Variants in WASF3 observed in about 807,000 individuals in gnomAD.
WASF3 encodes WASP family member 3.
WASF3 carries 11 observed loss-of-function variants against 46.6 expected under a neutral mutation model. That is an observed-to-expected ratio of 0.24 (90% CI 0.15 to 0.39). The LOEUF is 0.39. Among genes scored for constraint, WASF3 ranks in the 10% least tolerant of loss-of-function variants. WASF3 has a pLI of 1.00. For missense variants in WASF3, 576 were observed against 669.8 expected (o/e 0.86, Z 1.55); for synonymous variants, 242 against 259.7 (o/e 0.93, Z 0.65).
chr13:26,642,098 A>G, intron 2 of WASF3, 163 bp from the exon 3 acceptor site: 1 of 630,304 alleles, frequency 1.6e-6, no homozygotes, highest in South Asian at 2.6e-5. Flanking sequence ...TATAAAACTC[A>G]CTAAAGTAAT....
At chr13:26,602,607 G>C (rs910221352) in intron 1 of WASF3, among the ~76,000 whole-genome samples, 2 of 152,152 alleles carry the variant, frequency 1.3e-5, no homozygotes, top group African/African-American at 4.8e-5. Flanking sequence ...ACAGGTTTAT[G>C]AATCTCTTTG....
chr13:26,594,713 A>G (rs1880409105), intron 1 of WASF3, among the ~76,000 whole-genome samples: 1 of 152,086 alleles, frequency 6.6e-6, no homozygotes, highest in South Asian at 2.1e-4. Context: ...CTCCTTATTT[A>G]ACAGGGGCTC....
At chr13:26,580,100 T>G (rs1192772179) in intron 1 of WASF3, among the ~76,000 whole-genome samples, 4 of 152,204 alleles carry the variant, frequency 2.6e-5, no homozygotes, top group Admixed American at 6.5e-5. Context: ...CTTCTTCCAG[T>G]GTGGCCCAGG....
intron 1 of WASF3, among the ~76,000 whole-genome samples, chr13:26,605,799 C>T (rs572162365): frequency 6.6e-6 from 1 of 152,276 alleles, no homozygotes; most frequent in Non-Finnish European, 1.5e-5. Flanking sequence ...CCATTTTCAA[C>T]CTCTAAATTT....
intron 1 of WASF3, among the ~76,000 whole-genome samples, chr13:26,566,277 AGAT>A (rs768808276): frequency 1.3e-5 from 2 of 152,216 alleles, no homozygotes; most frequent in Non-Finnish European, 2.9e-5. Flanking sequence ...TTATTATTTG[AGAT>A]GATGATTTAT....
intron 3 of WASF3, among the ~76,000 whole-genome samples, chr13:26,648,860 A>C (rs548510586): frequency 2.0e-5 from 3 of 152,164 alleles, no homozygotes; most frequent in Admixed American, 6.5e-5. Context: ...CCCCGACAAA[A>C]GGCAGGATTA....
intron 2 of WASF3, chr13:26,641,854 A>G (rs1055380631): frequency 7.2e-5 from 11 of 152,522 alleles, no homozygotes; most frequent in African/African-American, 2.7e-4. Flanking sequence ...AGAAACCATA[A>G]ACACCAGTTC....
the WASF3 span, among the ~76,000 whole-genome samples, chr13:26,545,070 C>T: frequency 2.6e-5 from 4 of 152,220 alleles, no homozygotes; most frequent in Admixed American, 2.6e-4. Flanking sequence ...ATGGCTTGCT[C>T]AGAGCATCGT....
At chr13:26,649,179 C>G (rs768733943) in intron 3 of WASF3, among the ~76,000 whole-genome samples, 1 of 152,138 alleles carries the variant, frequency 6.6e-6, no homozygotes, top group Non-Finnish European at 1.5e-5. Flanking sequence ...AGTAGTCTTC[C>G]TTAAAAGATG....
chr13:26,636,183 G>A (rs910821814), intron 2 of WASF3, among the ~76,000 whole-genome samples: 10 of 152,182 alleles, frequency 6.6e-5, no homozygotes, highest in Non-Finnish European at 8.8e-5. Flanking sequence ...CAAGCTTCCC[G>A]GCTGCTTTGT....
At chr13:26,653,589 ACT>A (rs560742386) in intron 3 of WASF3, among the ~76,000 whole-genome samples, 1 of 151,956 alleles carries the variant, frequency 6.6e-6, no homozygotes, top group East Asian at 1.9e-4. Flanking sequence ...CTCTGGAGAA[ACT>A]CTCTTCACCT....
intron 7 of WASF3, among the ~76,000 whole-genome samples, chr13:26,678,867 C>T (rs1883142576): frequency 6.6e-6 from 1 of 152,174 alleles, no homozygotes; most frequent in Non-Finnish European, 1.5e-5. Flanking sequence ...CCCAAAAAAC[C>T]CTGGGGGATA....
the WASF3 span, among the ~76,000 whole-genome samples, chr13:26,551,491 T>C: frequency 6.6e-6 from 1 of 152,298 alleles, no homozygotes; most frequent in African/African-American, 2.4e-5. Context: ...GCCTAGTAAG[T>C]GTTAGGCACT....
intron 4 of WASF3, among the ~76,000 whole-genome samples, chr13:26,665,597 G>A (rs147697651): frequency 1.6e-3 from 238 of 152,288 alleles, no homozygotes; most frequent in African/African-American, 5.6e-3. Flanking sequence ...TAAAATCCTG[G>A]TGATTCTGCT....
chr13:26,558,208 C>T (rs1879163197), intron 1 of WASF3, among the ~76,000 whole-genome samples: 1 of 151,982 alleles, frequency 6.6e-6, no homozygotes, highest in African/African-American at 2.4e-5. Flanking sequence ...ACGCACGACG[C>T]CCCGGGCCGC....
chr13:26,635,192 A>G (rs1881781059), intron 2 of WASF3, among the ~76,000 whole-genome samples: 1 of 151,312 alleles, frequency 6.6e-6, no homozygotes, highest in African/African-American at 2.4e-5. Context: ...GTTTCTTTTT[A>G]CTTTTTTTCT....
chr13:26,650,246 G>C (rs1333551305), intron 3 of WASF3, among the ~76,000 whole-genome samples: 1 of 152,104 alleles, frequency 6.6e-6, no homozygotes, highest in African/African-American at 2.4e-5. Context: ...GCGGGAGTGA[G>C]ACCCAGGGCC....
chr13:26,543,765 G>A, the WASF3 span, among the ~76,000 whole-genome samples: 1 of 152,096 alleles, frequency 6.6e-6, no homozygotes, highest in East Asian at 1.9e-4. Context: ...AAGATTGTGG[G>A]GCACCGATAG....
At chr13:26,594,026 TAGA>T (rs949596175) in intron 1 of WASF3, among the ~76,000 whole-genome samples, 9 of 152,250 alleles carry the variant, frequency 5.9e-5, no homozygotes, top group African/African-American at 1.9e-4. Context: ...ACTGTATTAC[TAGA>T]AGAAGAATTA....
Sources: gnomAD v4.1 joint callset for allele counts (sites outside exome capture counted in the v4.1 genomes callset) on GRCh38, gnomAD v4.1.1 for gene constraint, MANE v1.5 for transcripts, NCBI Gene and HGNC (gene_info 2026-07-23, HGNC 2026-07-21) for gene names.